The following PSME4 variants were observed in gnomAD, a reference collection of about 807,000 sequenced individuals.
The protein encoded by PSME4 is proteasome activator subunit 4.
A neutral mutation model predicts 253.9 loss-of-function variants in PSME4; 89 were observed. That is an observed-to-expected ratio of 0.35 (90% CI 0.30 to 0.42). The LOEUF (loss-of-function observed/expected upper bound fraction) is 0.42. Among genes scored for constraint, PSME4 ranks in the 10% least tolerant of loss-of-function variants. The pLI is 1.00. For missense variants in PSME4, 2,014 were observed against 2,195.2 expected (o/e 0.92, Z 1.65); for synonymous variants, 851 against 759.2 (o/e 1.12, Z -1.99).
chr2:53,881,185 TATAAG>T (rs368410400), intron 41 of PSME4, among the ~76,000 whole-genome samples: 445 of 152,332 alleles, frequency 2.9e-3, no homozygotes, highest in African/African-American at 0.01. Flanking sequence ...GGAATCACCT[TATAAG>T]ATATTTTTCT....
In PSME4 at chr2:53,895,529, T is replaced by C. The variant is rs528434967; in HGVS notation, c.3842+54A>G. The C allele has an allele frequency of 6.9e-4, 1,055 of 1,524,194 alleles. 15 individuals are homozygous for C. The South Asian group carries it at 0.012, about 18-fold the overall frequency. 94.4% of individuals were successfully genotyped at this position (1,524,194 alleles called of 1,614,324 possible). A position where few individuals can be genotyped will look rare whatever the true frequency, so the allele number is the denominator to read the frequency against. ...AACCTCCCCAGAAACCAAAATATGA[T>C]AAAGCAGTTATATCAAAGGCATTTA... On this transcript the variant is annotated intron_variant, in intron 33 of 46. Coordinates refer to ENST00000404125, the MANE Select transcript of PSME4 (RefSeq NM_014614.3).
At chr2:53,946,137 G>A (rs1040183166) in intron 3 of PSME4, among the ~76,000 whole-genome samples, 2 of 152,190 alleles carry the variant, frequency 1.3e-5, no homozygotes, top group African/African-American at 4.8e-5. Context: ...GAAGAGGAAA[G>A]CCATAGATAC....
chr2:53,882,716 TCTA>T (rs1336276269), intron 41 of PSME4, among the ~76,000 whole-genome samples: 1 of 152,046 alleles, frequency 6.6e-6, no homozygotes, highest in African/African-American at 2.4e-5. Context: ...AAACCAAACA[TCTA>T]CTACTAGAGA....
At chr2:53,936,854 TA>T in intron 5 of PSME4, 27 bp from the exon 6 acceptor site, 2 of 1,511,154 alleles carry the variant, frequency 1.3e-6, no homozygotes, top group Non-Finnish European at 1.8e-6. Context: ...TTGTTATGAA[TA>T]GCAAGTGATT....
intron 40 of PSME4, among the ~76,000 whole-genome samples, chr2:53,886,845 C>T (rs1679662117): frequency 6.6e-6 from 1 of 152,208 alleles, no homozygotes; most frequent in South Asian, 2.1e-4. Context: ...AAGGACACAA[C>T]ATGATTCAGA....
At chr2:53,955,876 C>G (rs1361329552) in intron 1 of PSME4, among the ~76,000 whole-genome samples, 1 of 152,096 alleles carries the variant, frequency 6.6e-6, no homozygotes, top group Non-Finnish European at 1.5e-5. Context: ...GTGCCAAGAT[C>G]GTGCCACTGC....
chr2:53,914,409 G>A (rs1453318144), intron 20 of PSME4, among the ~76,000 whole-genome samples: 1 of 152,050 alleles, frequency 6.6e-6, no homozygotes, highest in African/African-American at 2.4e-5. Flanking sequence ...TTATCTAAAG[G>A]TTCCAAGAGC....
intron 27 of PSME4, among the ~76,000 whole-genome samples, chr2:53,902,011 G>A (rs1680422454): frequency 2.0e-5 from 3 of 152,170 alleles, no homozygotes; most frequent in African/African-American, 7.2e-5. Context: ...AGGCTACAAT[G>A]AGCCATGCCT....
intron 10 of PSME4, among the ~76,000 whole-genome samples, chr2:53,929,536 C>A (rs959260017): frequency 2.0e-5 from 3 of 151,930 alleles, no homozygotes; most frequent in African/African-American, 7.3e-5. Context: ...CTCAAACAAT[C>A]CATCTTCCTC....
At chr2:53,866,926 A>C in intron 44 of PSME4, 46 bp from the exon 45 acceptor site, 1 of 1,557,624 alleles carries the variant, frequency 6.4e-7, no homozygotes, top group Non-Finnish European at 8.7e-7. Flanking sequence ...ATATGTCTCT[A>C]ATGCACTTGT....
At chr2:53,885,233 A>T (rs959305832) in intron 41 of PSME4, among the ~76,000 whole-genome samples, 7 of 152,242 alleles carry the variant, frequency 4.6e-5, no homozygotes, top group African/African-American at 1.7e-4. Flanking sequence ...TCATTATATC[A>T]TACCAGAGGC....
intron 45 of PSME4, 65 bp from the exon 46 acceptor site, chr2:53,866,288 C>A: frequency 6.5e-7 from 1 of 1,539,586 alleles, no homozygotes; most frequent in Non-Finnish European, 8.8e-7. Context: ...ATGTAGGATA[C>A]TTTTAGTTAA....
At position 53,892,926 on chromosome 2, in the gene PSME4, G is replaced by A. The variant is rs532519859; in HGVS notation, c.4073C>T (p.Pro1358Leu). ...ATGTTCTAAATGGGGCTTCAGAACT[G>A]GCAGGAAGGCATCATCAAAATTCCT... ...IFRNFDDAFL[P>L]VLKPHLEHLV... Residue 1358 changes from proline (P) to leucine (L), a missense_variant, in exon 36 of 47, where the codon CCA becomes CTA. By Grantham distance (98) the Pro-to-Leu change is moderately conservative. Transcript: ENST00000404125. The A allele has an allele frequency of 1.9e-6, 3 of 1,613,516 alleles. No homozygotes were observed. Among genetic ancestry groups the A allele is most frequent in the East Asian group, 2.2e-5 (1 of 44,838 alleles).
At chr2:53,884,080 A>T (rs1679523330) in intron 41 of PSME4, among the ~76,000 whole-genome samples, 1 of 152,180 alleles carries the variant, frequency 6.6e-6, no homozygotes, top group Non-Finnish European at 1.5e-5. Context: ...TGTGCAAAAT[A>T]ACTATGACAT....
In PSME4 at chr2:53,923,081, T is replaced by G; in HGVS notation, c.1946A>C (p.His649Pro). The G allele has an allele frequency of 6.2e-7, 1 of 1,607,268 alleles. No homozygotes were observed. Among genetic ancestry groups the G allele is most frequent in the South Asian group, 1.1e-5 (1 of 90,126 alleles). The change falls in exon 16 of 47, where the codon CAC becomes CCC. Residue 649 changes from histidine to proline, a missense_variant. Coordinates refer to ENST00000404125, the MANE Select transcript of PSME4 (RefSeq NM_014614.3). ...PEESLKLFVP[H>P]CCSVITQLTM... Reference sequence around the variant, plus strand: ...AAGCTGAGTTATAACACTGCAGCAGTGGGGAACAAAGAGCTTCAAAGATTC... The same window carrying G: ...AAGCTGAGTTATAACACTGCAGCAGGGGGGAACAAAGAGCTTCAAAGATTC...
chr2:53,900,933 T>A (rs765591126), intron 28 of PSME4, among the ~76,000 whole-genome samples: 1 of 152,208 alleles, frequency 6.6e-6, no homozygotes, highest in Non-Finnish European at 1.5e-5. Context: ...AAAGTTATAT[T>A]CTTTAGTCTT....
At chr2:53,934,834 CA>C in intron 7 of PSME4, 107 bp from the exon 8 acceptor site, 2 of 898,474 alleles carry the variant, frequency 2.2e-6, no homozygotes, top group South Asian at 1.9e-5. Flanking sequence ...CATTTTATCA[CA>C]AGGGTTTTTA....
intron 20 of PSME4, among the ~76,000 whole-genome samples, chr2:53,912,123 T>C (rs1573271101): frequency 6.6e-6 from 1 of 152,242 alleles, no homozygotes; most frequent in East Asian, 1.9e-4. Context: ...GAGGTGACCC[T>C]TGAACAACAC....
At chr2:53,927,144 G>A (rs1195712361) in intron 12 of PSME4, among the ~76,000 whole-genome samples, 1 of 152,118 alleles carries the variant, frequency 6.6e-6, no homozygotes, top group Admixed American at 6.5e-5. Flanking sequence ...ACATTGAAAA[G>A]TGACATAAAA....
Sources: gnomAD v4.1 joint callset for allele counts (sites outside exome capture counted in the v4.1 genomes callset) on GRCh38, gnomAD v4.1.1 for gene constraint, MANE v1.5 for transcripts, NCBI Gene and HGNC (gene_info 2026-07-23, HGNC 2026-07-21) for gene names.